ERBB4: variants seen among roughly 807,000 people sequenced by gnomAD.
The protein encoded by ERBB4 is erb-b2 receptor tyrosine kinase 4, also known as receptor tyrosine-protein kinase erbB-4.
In ERBB4, 42 loss-of-function variants were observed where a neutral mutation model predicts 158.0. That is an observed-to-expected ratio of 0.27 (90% CI 0.21 to 0.34). The LOEUF (loss-of-function observed/expected upper bound fraction) is 0.34. Ranked by LOEUF, ERBB4 falls within the 10% of genes least tolerant of loss-of-function variation. The probability of loss-of-function intolerance (pLI) is 1.00; values close to 1 mark genes in which losing one functional copy is unlikely to be tolerated. For missense variants in ERBB4, 1,333 were observed against 1,624.1 expected, an observed-to-expected ratio of 0.82 and a Z score of 3.08; for synonymous variants, 583 against 558.7, an observed-to-expected ratio of 1.04 and a Z score of -0.61.
intron 3 of ERBB4, among the ~76,000 whole-genome samples, chr2:211,928,388 C>T: frequency 6.6e-6 from 1 of 152,086 alleles, no homozygotes; most frequent in East Asian, 1.9e-4. Context: ...TATGGAGAAG[C>T]CGGCAACGTG....
At chr2:211,782,798 A>G (rs891911744) in intron 4 of ERBB4, among the ~76,000 whole-genome samples, 2 of 152,184 alleles carry the variant, frequency 1.3e-5, no homozygotes, top group African/African-American at 4.8e-5. Flanking sequence ...GTTTGAAGTC[A>G]GGTAGCATGA....
Position 211,378,329 on chromosome 2 carries a change from C to T in ERBB4, c.*5286G>A, listed in dbSNP as rs1175820486. On this transcript the variant is annotated 3_prime_UTR_variant, in exon 28 of 28. Transcript: ENST00000342788. ...GTGACTATAGAAGCATTTACTTCTGCCCAAAATGTCACCTGGCCAGGAATT... is the reference window on the plus strand; with the variant it reads ...GTGACTATAGAAGCATTTACTTCTGTCCAAAATGTCACCTGGCCAGGAATT... The T allele has an allele frequency of 1.3e-5, 3 of 232,584 alleles. No individual in the cohort carries two copies. The highest frequency in any genetic ancestry group is 6.6e-5 in the African/African-American group (3 of 45,282). The allele number at this position is 232,584 out of a possible 1,614,324, so 14.4% of individuals were successfully genotyped here.
intron 3 of ERBB4, among the ~76,000 whole-genome samples, chr2:211,875,194 T>C (rs2078467855): frequency 6.6e-6 from 1 of 151,774 alleles, no homozygotes; most frequent in South Asian, 2.1e-4. Flanking sequence ...CCTTGAGATA[T>C]CATTAATAAA....
At chr2:212,488,241 C>T (rs1560462496) in intron 1 of ERBB4, among the ~76,000 whole-genome samples, 1 of 151,990 alleles carries the variant, frequency 6.6e-6, no homozygotes, top group Non-Finnish European at 1.5e-5. Flanking sequence ...TTTGCAACTC[C>T]TCTCTTGGCT....
At chr2:212,120,938 C>T (rs985430226) in intron 2 of ERBB4, among the ~76,000 whole-genome samples, 4 of 152,126 alleles carry the variant, frequency 2.6e-5, no homozygotes, top group Non-Finnish European at 5.9e-5. Context: ...ATGGACTCCA[C>T]TTACTATAAT....
chr2:212,275,834 C>T (rs551034880), intron 1 of ERBB4, among the ~76,000 whole-genome samples: 1 of 151,806 alleles, frequency 6.6e-6, no homozygotes, highest in Non-Finnish European at 1.5e-5. Flanking sequence ...ACAATATTAA[C>T]CTTAAATTTA....
chr2:211,792,248 T>G (rs2076292436), intron 3 of ERBB4, among the ~76,000 whole-genome samples: 1 of 151,784 alleles, frequency 6.6e-6, no homozygotes, highest in African/African-American at 2.4e-5. Context: ...GTCCTATGTT[T>G]CATAAAGTAT....
chr2:211,750,149 A>G (rs868805705), intron 5 of ERBB4, among the ~76,000 whole-genome samples: 1 of 152,216 alleles, frequency 6.6e-6, no homozygotes, highest in African/African-American at 2.4e-5. Flanking sequence ...TCATTGTCAA[A>G]AATAGTGACT....
chr2:211,741,130 C>T (rs964969139), intron 5 of ERBB4, among the ~76,000 whole-genome samples: 1 of 152,174 alleles, frequency 6.6e-6, no homozygotes, highest in Non-Finnish European at 1.5e-5. Flanking sequence ...TCATCAGAAG[C>T]ATGTCACATG....
intron 3 of ERBB4, among the ~76,000 whole-genome samples, chr2:211,890,407 G>A (rs968685029): frequency 4.7e-4 from 69 of 148,328 alleles, no homozygotes; most frequent in African/African-American, 1.5e-3. Context: ...TGAAGGAAGC[G>A]CTAAACATGG....
intron 1 of ERBB4, among the ~76,000 whole-genome samples, chr2:212,277,370 A>G (rs2085579450): frequency 6.6e-6 from 1 of 151,724 alleles, no homozygotes; most frequent in African/African-American, 2.4e-5. Flanking sequence ...GTGTTTATTG[A>G]GCTAATATAA....
At chr2:212,012,721 G>A (rs1468570004) in intron 2 of ERBB4, among the ~76,000 whole-genome samples, 1 of 151,774 alleles carries the variant, frequency 6.6e-6, no homozygotes, top group Non-Finnish European at 1.5e-5. Context: ...ACTTTTTGTT[G>A]TTGTTGTTGT....
intron 12 of ERBB4, among the ~76,000 whole-genome samples, chr2:211,680,424 AAAG>A (rs1202669494): frequency 2.0e-5 from 3 of 152,212 alleles, no homozygotes; most frequent in Non-Finnish European, 4.4e-5. Flanking sequence ...TAATAATTCT[AAAG>A]AAGATTAAAA....
intron 20 of ERBB4, among the ~76,000 whole-genome samples, chr2:211,537,098 C>T (rs2066676458): frequency 6.6e-6 from 1 of 151,738 alleles, no homozygotes; most frequent in East Asian, 1.9e-4. Flanking sequence ...TTTAAAATTA[C>T]CCTGAAAATT....
At chr2:212,481,454 A>G (rs1412456759) in intron 1 of ERBB4, among the ~76,000 whole-genome samples, 1 of 152,346 alleles carries the variant, frequency 6.6e-6, no homozygotes, top group East Asian at 1.9e-4. Flanking sequence ...AAGAGATTCT[A>G]GTAGAACATT....
At chr2:212,334,450 C>T (rs1337007584) in intron 1 of ERBB4, among the ~76,000 whole-genome samples, 3 of 152,008 alleles carry the variant, frequency 2.0e-5, no homozygotes, top group Non-Finnish European at 4.4e-5. Flanking sequence ...TGAGTGAATG[C>T]ATGTATATAT....
At chr2:211,953,719 T>C (rs2080945265) in intron 2 of ERBB4, among the ~76,000 whole-genome samples, 2 of 151,920 alleles carry the variant, frequency 1.3e-5, no homozygotes, top group Admixed American at 6.6e-5. Context: ...TCGGATATTA[T>C]TAAAGCCTTG....
chr2:211,403,000 A>AAG (rs1490960062), intron 25 of ERBB4, among the ~76,000 whole-genome samples: 3 of 152,076 alleles, frequency 2.0e-5, no homozygotes, highest in Non-Finnish European at 2.9e-5. Flanking sequence ...AGGCCTGATG[A>AAG]AGAACCCAAG....
intron 3 of ERBB4, among the ~76,000 whole-genome samples, chr2:211,906,536 T>TGATA (rs1215690243): frequency 6.8e-6 from 1 of 147,642 alleles, no homozygotes; most frequent in Non-Finnish European, 1.5e-5. Flanking sequence ...TTGATATCTA[T>TGATA]GATAGATAGA....
Sources: gnomAD v4.1 joint callset for allele counts (sites outside exome capture counted in the v4.1 genomes callset) on GRCh38, gnomAD v4.1.1 for gene constraint, MANE v1.5 for transcripts, NCBI Gene and HGNC (gene_info 2026-07-23, HGNC 2026-07-21) for gene names.